The following CLEC17A variants were observed in gnomAD, a reference collection of about 807,000 sequenced individuals.
The protein encoded by CLEC17A is C-type lectin domain containing 17A.
CLEC17A carries 37 observed loss-of-function variants against 61.3 expected under a neutral mutation model. The observed-to-expected ratio is 0.60, with a 90% CI of 0.46 to 0.79. The LOEUF (loss-of-function observed/expected upper bound fraction) is 0.79, where lower values mean the gene tolerates loss of function less well. CLEC17A is among the 30% of genes least tolerant of loss of function. The probability of loss-of-function intolerance (pLI) is 0.00; values close to 1 mark genes in which losing one functional copy is unlikely to be tolerated. For synonymous variants in CLEC17A, 168 were observed against 164.9 expected (o/e 1.02, Z -0.14); for missense variants, 418 against 464.7 (o/e 0.90, Z 0.92).
chr19:14,606,769 G>C (rs1236845225), intron 12 of CLEC17A, among the ~76,000 whole-genome samples: 3 of 152,038 alleles, frequency 2.0e-5, no homozygotes, highest in Admixed American at 6.6e-5. Flanking sequence ...CTGAGGCACG[G>C]AGCAGTTCGC....
At chr19:14,601,147 C>T (rs961041421) in intron 12 of CLEC17A, among the ~76,000 whole-genome samples, 1 of 151,856 alleles carries the variant, frequency 6.6e-6, no homozygotes, top group African/African-American at 2.4e-5. Context: ...AGGTGATCCT[C>T]CCACCTCTGC....
upstream of CLEC17A, among the ~76,000 whole-genome samples, chr19:14,581,576 C>T (rs1053888992): frequency 6.6e-6 from 1 of 152,072 alleles, no homozygotes; most frequent in Non-Finnish European, 1.5e-5. Flanking sequence ...AAGTGATCCA[C>T]CTGTCTGAGC....
intron 4 of CLEC17A, among the ~76,000 whole-genome samples, chr19:14,594,298 A>G (rs957641165): frequency 5.9e-5 from 9 of 152,092 alleles, no homozygotes; most frequent in Middle Eastern, 6.8e-3. Context: ...AATAAAATAA[A>G]AAATAAAATA....
At position 14,583,217 on chromosome 19, in the gene CLEC17A, C is replaced by G. The variant is rs908732703; in HGVS notation, c.43+14C>G. ...CGGACCCACCAGGTAAGGCCCCGGC[C>G]AGGCTGGGGCTGGGGCCTAGGTGTG... On this transcript the variant is annotated intron_variant, in intron 1 of 13. Transcript: ENST00000417570. The G allele has an allele frequency of 1.9e-6, 3 of 1,613,878 alleles. No individual in the cohort carries two copies. The East Asian group carries it at 6.7e-5, about 36-fold the overall frequency.
Position 14,583,581 on chromosome 19 carries a change from G to A in CLEC17A, c.121+147G>A, listed in dbSNP as rs1475048083. On this transcript the variant is annotated intron_variant, in intron 2 of 13. Coordinates refer to ENST00000417570, the MANE Select transcript of CLEC17A (RefSeq NM_001204118.2). ...GTGGAACCCACACCCTGCCCAGGAC[G>A]ACCTGTCAGTCTGATGGCGGAGGTG... The A allele has an allele frequency of 1.1e-5, 17 of 1,505,178 alleles. No individual in the cohort carries two copies. The East Asian group carries it at 4.2e-4, about 37-fold the overall frequency. The allele number at this position is 1,505,178 out of a possible 1,614,324, so 93.2% of individuals were successfully genotyped here. A position where few individuals can be genotyped will look rare whatever the true frequency, so the allele number is the denominator to read the frequency against.
rs551939773 is a variant in CLEC17A, at chr19:14,607,078, T to C, written c.980T>C (p.Leu327Pro). ...DRAQEGDWRW[L>P]DGSPVTLSFW... Reference sequence around the variant, plus strand: ...GCCCAGGAAGGGGACTGGAGGTGGCTGGATGGGTCTCCTGTGACATTAAGG... The same window carrying C: ...GCCCAGGAAGGGGACTGGAGGTGGCCGGATGGGTCTCCTGTGACATTAAGG... The change falls in exon 13 of 14, where the codon CTG becomes CCG. Residue 327 changes from leucine to proline, a missense_variant. Leu to Pro is a moderately conservative substitution (Grantham distance 98, BLOSUM62 -3). Coordinates refer to ENST00000417570, the MANE Select transcript of CLEC17A (RefSeq NM_001204118.2). 3 of 1,329,274 alleles carry C rather than the reference T, an allele frequency of 2.3e-6. No homozygotes were observed. The highest frequency in any genetic ancestry group is 6.2e-5 in the Admixed American group (2 of 32,476). The allele number at this position is 1,329,274 out of a possible 1,614,324, so 82.3% of individuals were successfully genotyped here.
In CLEC17A at chr19:14,610,497, G is replaced by T. The variant is rs2075020644; in HGVS notation, c.*301G>T. ...AGTTCCTGATCATGACTCTTGGGAA[G>T]TGATACTAGCCCTGAGGACCCTGGG... On this transcript the variant is annotated 3_prime_UTR_variant, in exon 14 of 14. Transcript: ENST00000417570. 2 of 358,912 alleles carry T rather than the reference G, an allele frequency of 5.6e-6. No individual in the cohort carries two copies. The highest frequency in any genetic ancestry group is 5.3e-6 in the Non-Finnish European group (1 of 189,644). The allele number at this position is 358,912 out of a possible 1,614,324, so 22.2% of individuals were successfully genotyped here.
intron 10 of CLEC17A, among the ~76,000 whole-genome samples, chr19:14,598,401 TC>T (rs1471182063): frequency 7.7e-6 from 1 of 130,120 alleles, no homozygotes; most frequent in African/African-American, 2.7e-5. Context: ...CCCTTCTCCT[TC>T]CTTCCTTCCT....
At chr19:14,601,364 C>T (rs1473756727) in intron 12 of CLEC17A, among the ~76,000 whole-genome samples, 1 of 152,188 alleles carries the variant, frequency 6.6e-6, no homozygotes, top group Admixed American at 6.6e-5. Flanking sequence ...AAATAAGTCT[C>T]ACCTCCGTGC....
chr19:14,591,454 C>T (rs892523451), intron 3 of CLEC17A, among the ~76,000 whole-genome samples: 12 of 140,044 alleles, frequency 8.6e-5, no homozygotes, highest in Non-Finnish European at 1.7e-4. Context: ...GCGCCTGGCC[C>T]TTTTTTTTGA....
At chr19:14,591,694 C>T (rs1599541158) in intron 3 of CLEC17A, among the ~76,000 whole-genome samples, 1 of 151,976 alleles carries the variant, frequency 6.6e-6, no homozygotes, top group African/African-American at 2.4e-5. Context: ...GCTGGGATTA[C>T]AGGCTTGCAC....
intron 8 of CLEC17A, among the ~76,000 whole-genome samples, chr19:14,595,780 T>A (rs1348637786): frequency 2.4e-5 from 3 of 122,840 alleles, no homozygotes; most frequent in Non-Finnish European, 3.5e-5. Flanking sequence ...GTAATGATGG[T>A]GGAAACAGTG....
Position 14,592,929 on chromosome 19 carries a change from G to T in CLEC17A, c.277+571G>T, listed in dbSNP as rs145633108. ...GATCCGCCTGCCTTGGCATCCCAAA[G>T]TGCTGGGATTACAGGTGTGAGCCAC... is the stretch of plus-strand genomic sequence containing the variant. On this transcript the variant is annotated intron_variant, in intron 4 of 13. Transcript: ENST00000417570. Among the ~76,000 whole-genome samples the T allele has an allele frequency of 6.5e-3, 982 of 152,206 alleles. 15 individuals are homozygous for T. Among genetic ancestry groups the T allele is most frequent in the African/African-American group, 0.023 (936 of 41,540 alleles).
intron 7 of CLEC17A, 133 bp downstream of exon 7, chr19:14,594,933 G>A: frequency 2.3e-6 from 2 of 886,790 alleles, no homozygotes; most frequent in Non-Finnish European, 1.8e-6. Context: ...GTGCAGTGGT[G>A]CGATACTGGC....
At chr19:14,598,304 TTC>T (rs111468753) in intron 10 of CLEC17A, among the ~76,000 whole-genome samples, 25,905 of 148,960 alleles carry the variant, frequency 0.17, 3,409 homozygotes, top group African/African-American at 0.37. Context: ...TGTTCTTTCT[TTC>T]TCTCTCTCTC....
At chr19:14,596,808 T>C in intron 8 of CLEC17A, 68 bp from the exon 9 acceptor site, 2 of 1,547,974 alleles carry the variant, frequency 1.3e-6, no homozygotes. Context: ...GGACAAAGAC[T>C]TAAGAGTCTC....
intron 4 of CLEC17A, 26 bp downstream of exon 4, chr19:14,592,384 C>T: frequency 6.2e-7 from 1 of 1,610,720 alleles, no homozygotes; most frequent in African/African-American, 1.3e-5. Context: ...GGAGTGTGAC[C>T]TGGGGGAATA....
chr19:14,586,024 T>G (rs2074270865), intron 2 of CLEC17A, among the ~76,000 whole-genome samples: 1 of 152,176 alleles, frequency 6.6e-6, no homozygotes, highest in Non-Finnish European at 1.5e-5. Flanking sequence ...CCTCTCTACA[T>G]TAGCTTTTAT....
intron 2 of CLEC17A, among the ~76,000 whole-genome samples, chr19:14,584,831 A>G (rs1467172027): frequency 6.6e-6 from 1 of 150,910 alleles, no homozygotes; most frequent in Non-Finnish European, 1.5e-5. Flanking sequence ...CTCCAATCCA[A>G]CTTCATCACC....
Sources: gnomAD v4.1 joint callset for allele counts (sites outside exome capture counted in the v4.1 genomes callset) on GRCh38, gnomAD v4.1.1 for gene constraint, MANE v1.5 for transcripts, NCBI Gene and HGNC (gene_info 2026-07-23, HGNC 2026-07-21) for gene names.